STAB2: variants seen among roughly 807,000 people sequenced by gnomAD.
STAB2 encodes stabilin-2.
A neutral mutation model predicts 338.1 loss-of-function variants in STAB2; 288 were observed. That is an observed-to-expected ratio of 0.85 (90% confidence interval 0.77 to 0.94). The LOEUF is 0.94. Ranked by LOEUF, STAB2 falls within the 40% of genes least tolerant of loss-of-function variation. STAB2 has a pLI of 0.00. For synonymous variants in STAB2, 1,202 were observed against 1,193.3 expected, an observed-to-expected ratio of 1.01 and a Z score of -0.15; for missense variants, 3,141 against 3,210.1, an observed-to-expected ratio of 0.98 and a Z score of 0.52.
At chr12:103,607,034 A>G (rs191422237) in intron 3 of STAB2, among the ~76,000 whole-genome samples, 1 of 152,262 alleles carries the variant, frequency 6.6e-6, no homozygotes, top group African/African-American at 2.4e-5. Flanking sequence ...ATCTGTTGTC[A>G]TTGTTATCTT....
intron 5 of STAB2, among the ~76,000 whole-genome samples, chr12:103,624,673 G>A (rs1400068053): frequency 1.3e-5 from 2 of 152,226 alleles, no homozygotes; most frequent in African/African-American, 4.8e-5. Flanking sequence ...GGGCTCAGTG[G>A]CTCACGCCTG....
chr12:103,750,413 C>G (rs1190681151), intron 59 of STAB2, among the ~76,000 whole-genome samples, 166 bp from the exon 60 acceptor site: 3 of 152,192 alleles, frequency 2.0e-5, no homozygotes, highest in Admixed American at 6.5e-5. Flanking sequence ...TCATCATAAG[C>G]CTGCATAAAA....
At chr12:103,696,189 C>T (rs1465744429) in intron 33 of STAB2, among the ~76,000 whole-genome samples, 1 of 152,160 alleles carries the variant, frequency 6.6e-6, no homozygotes, top group African/African-American at 2.4e-5. Flanking sequence ...AGAACCATCA[C>T]TCTGGTTCTA....
At chr12:103,702,359 T>C (rs1427018211) in intron 34 of STAB2, among the ~76,000 whole-genome samples, 1 of 151,080 alleles carries the variant, frequency 6.6e-6, no homozygotes, top group Admixed American at 6.6e-5. Context: ...ACTGCAGTGG[T>C]GCGATCTCGG....
chr12:103,663,379 C>A (rs1238941791), intron 18 of STAB2, among the ~76,000 whole-genome samples: 1 of 143,034 alleles, frequency 7.0e-6, no homozygotes, highest in African/African-American at 2.5e-5. Context: ...AAGAATGTTT[C>A]TTTCCTTGCC....
chr12:103,621,961 T>C (rs779204003), intron 4 of STAB2, 81 bp from the exon 5 acceptor site: 44 of 1,341,334 alleles, frequency 3.3e-5, no homozygotes, highest in Middle Eastern at 1.8e-4. Context: ...GAAAAACAAA[T>C]GCTGAGTTGG....
chr12:103,702,986 G>C, intron 34 of STAB2, among the ~76,000 whole-genome samples, 162 bp from the exon 35 acceptor site: 1 of 152,210 alleles, frequency 6.6e-6, no homozygotes, highest in East Asian at 1.9e-4. Flanking sequence ...TCAGACTTCC[G>C]CTCCTAAGTC....
Position 103,677,542 on chromosome 12 carries a change from C to A in STAB2, c.2736C>A (p.Asn912Lys). 2 of 1,614,218 alleles carry A rather than the reference C, an allele frequency of 1.2e-6. No homozygotes were observed. Among genetic ancestry groups the A allele is most frequent in the Non-Finnish European group, 1.7e-6 (2 of 1,180,026 alleles). The part of the protein sequence containing the change: ...TGNGRDCSEI[N>K]NCLLPSAGGC... Reference sequence around the variant, plus strand: ...ATGGGAGAGACTGCTCGGAGATCAACAACTGCCTGCTGCCCAGTGCAGGCG... The same window carrying A: ...ATGGGAGAGACTGCTCGGAGATCAAAAACTGCCTGCTGCCCAGTGCAGGCG... The change falls in exon 25 of 69, where the codon AAC (asparagine) becomes AAA (lysine). Residue 912 changes from asparagine to lysine, a missense_variant. Coordinates refer to ENST00000388887, the MANE Select transcript of STAB2 (RefSeq NM_017564.10).
At chr12:103,692,938 T>C (rs1593243368) in intron 31 of STAB2, 49 bp downstream of exon 31, 1 of 1,542,182 alleles carries the variant, frequency 6.5e-7, no homozygotes, top group East Asian at 2.3e-5. Context: ...TTCCCTTTGT[T>C]GTTTATCGTC....
intron 63 of STAB2, among the ~76,000 whole-genome samples, chr12:103,756,887 G>T (rs1457230466): frequency 1.3e-5 from 2 of 151,752 alleles, no homozygotes; most frequent in Non-Finnish European, 2.9e-5. Flanking sequence ...TTTCTGCTGT[G>T]TGGGAGCCTG....
rs371542054 is a variant in STAB2, at chr12:103,650,486, G to T, written c.1175-10G>T. 1.2e-4 allele frequency: 186 copies of T among 1,611,454 alleles called. No homozygotes were observed. Among genetic ancestry groups the T allele is most frequent in the Non-Finnish European group, 1.5e-4 (181 of 1,178,380 alleles). ...GCGTTTTCTTTCTTTGTGTTATTTC[G>T]ACTCCTAAGACAAAGCTTATGCCTG... On this transcript the variant is annotated splice_polypyrimidine_tract_variant and intron_variant, in intron 10 of 68. Coordinates refer to ENST00000388887, the MANE Select transcript of STAB2 (RefSeq NM_017564.10).
intron 3 of STAB2, among the ~76,000 whole-genome samples, chr12:103,611,991 C>T (rs941794012): frequency 1.3e-5 from 2 of 152,168 alleles, no homozygotes; most frequent in African/African-American, 4.8e-5. Flanking sequence ...AAATTCTTTT[C>T]TTTAAGAATG....
chr12:103,701,977 T>TACACACACAC (rs71097990), intron 34 of STAB2, among the ~76,000 whole-genome samples: 37 of 144,032 alleles, frequency 2.6e-4, no homozygotes, highest in Admixed American at 6.9e-4. Context: ...TCAGCCCTGC[T>TACACACACAC]ACACACACAC....
Position 103,764,950 on chromosome 12 carries a change from C to T in STAB2, c.7606-1336C>T, listed in dbSNP as rs985710597. 2.7e-4 allele frequency among the ~76,000 whole-genome samples: 35 copies of T among 132,030 alleles called. 1 individual carries two copies. The highest frequency in any genetic ancestry group is 5.5e-4 in the South Asian group (2 of 3,618). 86.6% of individuals were successfully genotyped at this position (132,030 alleles called of 152,430 possible). On this transcript the variant is annotated intron_variant, in intron 68 of 68. Coordinates refer to ENST00000388887, the MANE Select transcript of STAB2 (RefSeq NM_017564.10). The stretch of plus-strand genomic sequence containing the variant: ...CCATGTCTACTAAATTAGGCAGGAG[C>T]GGTGGTGCCTGCCTGTAATCCCAGC...
intron 3 of STAB2, among the ~76,000 whole-genome samples, chr12:103,603,312 T>C (rs1956981808): frequency 6.6e-6 from 1 of 152,160 alleles, no homozygotes; most frequent in Non-Finnish European, 1.5e-5. Context: ...CCTCGTGATC[T>C]GCCCACCTCA....
intron 12 of STAB2, among the ~76,000 whole-genome samples, chr12:103,654,346 C>T (rs1030259445): frequency 6.6e-6 from 1 of 152,202 alleles, no homozygotes; most frequent in Non-Finnish European, 1.5e-5. Flanking sequence ...TCAGTGCTTT[C>T]ACACATCATA....
chr12:103,733,137 C>A lies in STAB2; in HGVS notation c.5415C>A (p.Asp1805Glu). The change falls in exon 51 of 69, where the codon GAC becomes GAA. Residue 1805 changes from aspartate (D) to glutamate (E), a missense_variant. Physicochemically the swap from Asp to Glu is conservative, Grantham distance 45. Coordinates refer to ENST00000388887, the MANE Select transcript of STAB2 (RefSeq NM_017564.10). The stretch of plus-strand genomic sequence containing the variant: ...TCCTGTTCAACCAAGACAACAAGGA[C>A]AAGCTGAAGGAGTATTTGAAGTTTC... Reference protein sequence around the residue: ...QDFLFNQDNKDKLKEYLKFHV... With the variant: ...QDFLFNQDNKEKLKEYLKFHV... The A allele has an allele frequency of 6.2e-7, 1 of 1,614,140 alleles. No homozygotes were observed. Among genetic ancestry groups the A allele is most frequent in the Middle Eastern group, 1.6e-4 (1 of 6,062 alleles).
rs1182030168 is a variant in STAB2 at position 103,743,493 on chromosome 12, A to G, written c.6031+939A>G. On this transcript the variant is annotated intron_variant, in intron 56 of 68. Transcript: ENST00000388887. ...GAAAGGAGACATTGTTTTAGAAGAC[A>G]CCTCACATAGGGAATATTTGAGTAG... Among the ~76,000 whole-genome samples the G allele has an allele frequency of 3.3e-5, 5 of 152,274 alleles. No individual in the cohort carries two copies. The East Asian group carries it at 9.6e-4, about 29-fold the overall frequency.
chr12:103,762,775 G>A (rs1263686622), intron 67 of STAB2, among the ~76,000 whole-genome samples: 4 of 152,196 alleles, frequency 2.6e-5, no homozygotes, highest in East Asian at 3.8e-4. Flanking sequence ...CTTCAAGACC[G>A]GCTCTGAGAA....
Sources: gnomAD v4.1 joint callset for allele counts (sites outside exome capture counted in the v4.1 genomes callset) on GRCh38, gnomAD v4.1.1 for gene constraint, MANE v1.5 for transcripts, NCBI Gene and HGNC (gene_info 2026-07-23, HGNC 2026-07-21) for gene names.